The following DIAPH2 variants were observed in gnomAD, a reference collection of about 807,000 sequenced individuals.
The protein encoded by DIAPH2 is protein diaphanous homolog 2.
Under a neutral mutation model 92.7 loss-of-function variants are expected in DIAPH2, and 35 were observed. That is an observed-to-expected ratio of 0.38 (90% confidence interval 0.29 to 0.50). The LOEUF is 0.50. Among genes scored for constraint, DIAPH2 ranks in the 20% least tolerant of loss-of-function variants. DIAPH2 has a pLI of 0.94. For missense variants in DIAPH2, 701 were observed against 819.5 expected, an observed-to-expected ratio of 0.86 and a Z score of 1.77; for synonymous variants, 301 against 280.4, an observed-to-expected ratio of 1.07 and a Z score of -0.73.
At chrX:96,813,210 T>C (rs1284320445) in intron 4 of DIAPH2, among the ~76,000 whole-genome samples, 1 of 111,677 alleles carries the variant, frequency 9.0e-6, no homozygotes, top group Non-Finnish European at 1.9e-5. Context: ...TGCTCCTGTA[T>C]TGGGCGCATA....
At chrX:96,813,115 G>A (rs1334174069) in intron 4 of DIAPH2, among the ~76,000 whole-genome samples, 1 of 111,238 alleles carries the variant, frequency 9.0e-6, no homozygotes, top group Non-Finnish European at 1.9e-5. Flanking sequence ...AATGTTGACA[G>A]GGGGGTGTTA....
chrX:97,406,658 A>G lies in DIAPH2; in HGVS notation c.3145+22614A>G, dbSNP rs181820064. 3.0e-4 allele frequency among the ~76,000 whole-genome samples: 34 copies of G among 111,991 alleles called. 1 individual carries two copies. Among genetic ancestry groups the G allele is most frequent in the African/African-American group, 9.7e-4 (30 of 30,907 alleles). On this transcript the variant is annotated intron_variant, in intron 25 of 26. Transcript: ENST00000324765. The stretch of plus-strand genomic sequence containing the variant: ...GGGATAAATTTCCCCTATACTAAAA[A>G]TCACCAGCTGCCGTAGAAGTGCTGA...
chrX:97,191,523 C>A (rs755737981), intron 22 of DIAPH2, among the ~76,000 whole-genome samples: 9 of 110,917 alleles, frequency 8.1e-5, no homozygotes, highest in African/African-American at 2.6e-4. Context: ...AGTAGTCTCA[C>A]TCTTCTCTCA....
intron 21 of DIAPH2, among the ~76,000 whole-genome samples, chrX:97,136,561 AT>A (rs2067171580): frequency 2.7e-5 from 3 of 111,925 alleles, no homozygotes; most frequent in Non-Finnish European, 5.6e-5. Context: ...TTTAAGAACC[AT>A]AATTAGGCTA....
intron 5 of DIAPH2, among the ~76,000 whole-genome samples, chrX:96,902,394 C>T (rs761754799): frequency 9.0e-6 from 1 of 111,560 alleles, no homozygotes; most frequent in African/African-American, 3.3e-5. Flanking sequence ...TGAACTCTCC[C>T]ACTCACTATG....
intron 9 of DIAPH2, 78 bp from the exon 10 acceptor site, chrX:96,930,655 A>G (rs2065613339): frequency 7.4e-6 from 5 of 676,941 alleles, no homozygotes; most frequent in African/African-American, 2.2e-5. Context: ...GTATGCCTTT[A>G]GTGAATATAT....
chrX:96,761,744 GT>G (rs1262595521), intron 4 of DIAPH2, among the ~76,000 whole-genome samples: 1 of 110,540 alleles, frequency 9.0e-6, no homozygotes, highest in Non-Finnish European at 1.9e-5. Context: ...ACATTCTTTT[GT>G]TAGTCTCATG....
chrX:96,741,975 T>C (rs947664324), intron 3 of DIAPH2, among the ~76,000 whole-genome samples: 12 of 111,936 alleles, frequency 1.1e-4, no homozygotes, highest in African/African-American at 3.9e-4. Flanking sequence ...ACATTCAACT[T>C]AGTCCTCACA....
At chrX:96,976,220 G>A (rs2065960824) in intron 17 of DIAPH2, among the ~76,000 whole-genome samples, 1 of 109,331 alleles carries the variant, frequency 9.1e-6, no homozygotes, top group Non-Finnish European at 1.9e-5. Context: ...ACCAGGAGGC[G>A]GAGCTTGCAG....
chrX:96,926,960 G>C (rs1187402319), intron 9 of DIAPH2, among the ~76,000 whole-genome samples: 2 of 111,344 alleles, frequency 1.8e-5, no homozygotes, highest in East Asian at 5.6e-4. Flanking sequence ...CCATTATAAA[G>C]ACACTAAGCA....
At chrX:97,099,228 T>A (rs2066889631) in intron 19 of DIAPH2, among the ~76,000 whole-genome samples, 1 of 110,581 alleles carries the variant, frequency 9.0e-6, no homozygotes, top group South Asian at 3.9e-4. Context: ...TAGCCCGGCA[T>A]GGTGGCGGGC....
chrX:96,729,038 G>A (rs2064038790), intron 1 of DIAPH2, among the ~76,000 whole-genome samples: 1 of 112,305 alleles, frequency 8.9e-6, no homozygotes, highest in African/African-American at 3.2e-5. Context: ...CAATCAATAT[G>A]TAAGAAGTAC....
chrX:96,826,292 G>A (rs1031913148), intron 4 of DIAPH2, among the ~76,000 whole-genome samples: 3 of 109,739 alleles, frequency 2.7e-5, no homozygotes, highest in African/African-American at 6.6e-5. Context: ...TGGTGCATAC[G>A]TGTAATCCCA....
chrX:97,129,209 C>G (rs1266474703), intron 21 of DIAPH2, among the ~76,000 whole-genome samples: 4 of 97,038 alleles, frequency 4.1e-5, no homozygotes, highest in Non-Finnish European at 7.9e-5. Context: ...CTCTGTCACC[C>G]AGGCTAGAGT....
Position 97,429,038 on chromosome X carries a change from A to G in DIAPH2, c.3146-612A>G, listed in dbSNP as rs186507526. 4.7e-3 allele frequency among the ~76,000 whole-genome samples: 530 copies of G among 112,118 alleles called. 5 individuals are homozygous for G. Among genetic ancestry groups the G allele is most frequent in the African/African-American group, 0.016 (506 of 30,882 alleles). On this transcript the variant is annotated intron_variant, in intron 25 of 26. Transcript: ENST00000324765. ...ACACACAGCAGCATTCTAAAAAGGA[A>G]GTGGGACTCTGGCTGATGTCCCTAA...
intron 20 of DIAPH2, among the ~76,000 whole-genome samples, chrX:97,106,179 C>T (rs2066939444): frequency 9.0e-6 from 1 of 111,411 alleles, no homozygotes; most frequent in Admixed American, 9.5e-5. Flanking sequence ...GTGAAAATTG[C>T]ATTTTTCTTT....
intron 3 of DIAPH2, among the ~76,000 whole-genome samples, chrX:96,748,170 G>C (rs2064161821): frequency 8.9e-6 from 1 of 111,839 alleles, no homozygotes; most frequent in African/African-American, 3.2e-5. Context: ...ACAGAGAAAT[G>C]CTTTCAAAAA....
chrX:97,099,209 A>T (rs2066889350), intron 19 of DIAPH2, among the ~76,000 whole-genome samples: 1 of 110,759 alleles, frequency 9.0e-6, no homozygotes, highest in South Asian at 3.9e-4. Flanking sequence ...TACTAAAAAT[A>T]CAAAAAATTA....
At chrX:96,723,328 C>T (rs182818195) in intron 1 of DIAPH2, among the ~76,000 whole-genome samples, 1 of 111,754 alleles carries the variant, frequency 8.9e-6, no homozygotes, top group East Asian at 2.8e-4. Flanking sequence ...CCAATTAAGA[C>T]ACCTAAGAAG....
Sources: gnomAD v4.1 joint callset for allele counts (sites outside exome capture counted in the v4.1 genomes callset) on GRCh38, gnomAD v4.1.1 for gene constraint, MANE v1.5 for transcripts, NCBI Gene and HGNC (gene_info 2026-07-23, HGNC 2026-07-21) for gene names.